Variants in TBC1D5 observed in about 807,000 individuals in gnomAD.
The protein encoded by TBC1D5 is TBC1 domain family member 5.
TBC1D5 carries 75 observed loss-of-function variants against 100.3 expected under a neutral mutation model. The ratio of observed to expected loss-of-function variants is 0.75; its 90% CI spans 0.62 to 0.91. The LOEUF (loss-of-function observed/expected upper bound fraction) is 0.91. TBC1D5 is among the 40% of genes least tolerant of loss of function. The pLI is 0.00. For synonymous variants in TBC1D5, 323 were observed against 325.6 expected, an observed-to-expected ratio of 0.99 and a Z score of 0.09; for missense variants, 910 against 942.4, an observed-to-expected ratio of 0.97 and a Z score of 0.45.
intron 1 of TBC1D5, chr3:17,665,031 T>TTAAA (rs369353377): frequency 6.2e-5 from 6 of 97,088 alleles, no homozygotes; most frequent in African/African-American, 2.4e-4. Context: ...CCCCGCTATT[T>TTAAA]AAAAAAAAAA....
intron 8 of TBC1D5, among the ~76,000 whole-genome samples, chr3:17,394,148 A>G (rs760389073): frequency 2.6e-5 from 4 of 152,146 alleles, no homozygotes; most frequent in Non-Finnish European, 4.4e-5. Context: ...CAAGGTTGAG[A>G]AACACTGCAT....
chr3:17,673,664 T>G (rs1042415647), intron 1 of TBC1D5, among the ~76,000 whole-genome samples: 7 of 152,152 alleles, frequency 4.6e-5, no homozygotes, highest in Admixed American at 1.3e-4. Flanking sequence ...AACAATTTTC[T>G]TCTTAAAAAA....
intron 1 of TBC1D5, among the ~76,000 whole-genome samples, chr3:17,718,413 T>C (rs1411764755): frequency 1.3e-5 from 2 of 152,222 alleles, no homozygotes; most frequent in African/African-American, 2.4e-5. Flanking sequence ...CTAGCTAACA[T>C]GGTGAAACCC....
At chr3:17,732,744 T>TAAATAAATAAATAAAA (rs1560579923) in intron 1 of TBC1D5, among the ~76,000 whole-genome samples, 1 of 151,272 alleles carries the variant, frequency 6.6e-6, no homozygotes, top group African/African-American at 2.4e-5. Flanking sequence ...AATAAATAAA[T>TAAATAAATAAATAAAA]AAAATTTAAA....
At chr3:17,327,534 T>A (rs1336280765) in intron 13 of TBC1D5, among the ~76,000 whole-genome samples, 1 of 152,174 alleles carries the variant, frequency 6.6e-6, no homozygotes, top group Non-Finnish European at 1.5e-5. Flanking sequence ...CTTCAGGACC[T>A]TTGTACTTGC....
chr3:17,331,294 A>G (rs1019645631), intron 13 of TBC1D5, among the ~76,000 whole-genome samples: 1 of 152,018 alleles, frequency 6.6e-6, no homozygotes, highest in Admixed American at 6.6e-5. Flanking sequence ...CTCGTTCTTA[A>G]TCTCCATTTT....
intron 5 of TBC1D5, 103 bp from the exon 6 acceptor site, chr3:17,405,064 G>A (rs2093737046): frequency 3.5e-6 from 2 of 571,074 alleles, no homozygotes; most frequent in Non-Finnish European, 6.1e-6. Flanking sequence ...TAATAGTCAT[G>A]ATATTTCATA....
chr3:17,445,672 T>C (rs917674850), intron 3 of TBC1D5, among the ~76,000 whole-genome samples: 1 of 152,332 alleles, frequency 6.6e-6, no homozygotes, highest in East Asian at 1.9e-4. Context: ...TAAAAGGATA[T>C]TGTTATAACT....
chr3:17,182,892 C>A (rs1418955161), intron 19 of TBC1D5, among the ~76,000 whole-genome samples: 1 of 151,702 alleles, frequency 6.6e-6, no homozygotes, highest in Non-Finnish European at 1.5e-5. Context: ...TTATTATTTT[C>A]TTCTTTTCTC....
chr3:17,436,843 A>C (rs1265717045), intron 3 of TBC1D5, among the ~76,000 whole-genome samples: 2 of 152,230 alleles, frequency 1.3e-5, no homozygotes, highest in Non-Finnish European at 2.9e-5. Flanking sequence ...ACAAGCTATA[A>C]GAGGAATTAA....
At chr3:17,354,023 T>C (rs987315357) in intron 13 of TBC1D5, among the ~76,000 whole-genome samples, 3 of 151,986 alleles carry the variant, frequency 2.0e-5, no homozygotes, top group African/African-American at 4.8e-5. Context: ...AATAACAAAA[T>C]TGAACATTAA....
chr3:17,573,974 T>G (rs2096642594), intron 2 of TBC1D5, among the ~76,000 whole-genome samples: 1 of 152,024 alleles, frequency 6.6e-6, no homozygotes, highest in African/African-American at 2.4e-5. Flanking sequence ...TAAAAAGTAC[T>G]TCATGGAAAG....
At chr3:17,321,716 T>C (rs180943545) in intron 13 of TBC1D5, among the ~76,000 whole-genome samples, 118 of 152,356 alleles carry the variant, frequency 7.7e-4, no homozygotes, top group African/African-American at 2.8e-3. Flanking sequence ...GAGAGTTTTA[T>C]GATTTTCTGT....
intron 1 of TBC1D5, among the ~76,000 whole-genome samples, chr3:17,731,890 A>G (rs1007550569): frequency 2.0e-5 from 3 of 152,300 alleles, no homozygotes; most frequent in Admixed American, 1.3e-4. Context: ...TTTGTAAGAG[A>G]AGAAGGTAAA....
chr3:17,174,109 C>T (rs1050510108), intron 19 of TBC1D5, among the ~76,000 whole-genome samples: 2 of 152,198 alleles, frequency 1.3e-5, no homozygotes, highest in African/African-American at 4.8e-5. Context: ...TCTTCAAAGT[C>T]CACCTCAAAC....
At chr3:17,620,148 T>A (rs1349769294) in intron 2 of TBC1D5, among the ~76,000 whole-genome samples, 1 of 152,208 alleles carries the variant, frequency 6.6e-6, no homozygotes, top group Non-Finnish European at 1.5e-5. Context: ...CTTTTTGCCG[T>A]TGTTGTTAGC....
At chr3:17,455,484 ATATATGTG>A (rs1227014620) in intron 3 of TBC1D5, among the ~76,000 whole-genome samples, 50 of 138,534 alleles carry the variant, frequency 3.6e-4, no homozygotes, top group African/African-American at 1.4e-3. Context: ...ATATATGTAT[ATATATGTG>A]TATATATATA....
intron 16 of TBC1D5, among the ~76,000 whole-genome samples, chr3:17,254,407 T>A (rs2077445238): frequency 6.6e-6 from 1 of 152,164 alleles, no homozygotes; most frequent in Admixed American, 6.5e-5. Flanking sequence ...ATTTTATCCA[T>A]TATAGTTGGT....
At chr3:17,446,501 C>T (rs1015195395) in intron 3 of TBC1D5, among the ~76,000 whole-genome samples, 4 of 151,504 alleles carry the variant, frequency 2.6e-5, no homozygotes, top group Admixed American at 2.6e-4. Context: ...AAGAAAATAT[C>T]ACAAATTCAA....
Sources: gnomAD v4.1 joint callset for allele counts (sites outside exome capture counted in the v4.1 genomes callset) on GRCh38, gnomAD v4.1.1 for gene constraint, MANE v1.5 for transcripts, NCBI Gene and HGNC (gene_info 2026-07-23, HGNC 2026-07-21) for gene names.